PCNT: variants seen among roughly 807,000 people sequenced by gnomAD.
The protein encoded by PCNT is kendrin.
A neutral mutation model predicts 380.4 loss-of-function variants in PCNT; 319 were observed. The ratio of observed to expected loss-of-function variants is 0.84; its 90% CI spans 0.77 to 0.92. PCNT has a LOEUF of 0.92. Ranked by LOEUF, PCNT falls within the 40% of genes least tolerant of loss-of-function variation. The pLI is 0.00. For synonymous variants in PCNT, 1,845 were observed against 1,735.2 expected, an observed-to-expected ratio of 1.06 and a Z score of -1.57; for missense variants, 4,400 against 4,255.3, an observed-to-expected ratio of 1.03 and a Z score of -0.95.
chr21:46,373,523 C>A (rs1162232850), intron 15 of PCNT, among the ~76,000 whole-genome samples: 1 of 149,032 alleles, frequency 6.7e-6, no homozygotes, highest in South Asian at 2.1e-4. Flanking sequence ...CCTCTGCCTC[C>A]CTGGTTCAAG....
chr21:46,324,420 C>T (rs2083285739), intron 1 of PCNT, 138 bp downstream of exon 1: 2 of 792,782 alleles, frequency 2.5e-6, no homozygotes, highest in South Asian at 1.5e-5. Context: ...TTCCCGCCGG[C>T]TCCGCTGGAA....
At chr21:46,426,395 C>A (rs1486114652) in intron 33 of PCNT, among the ~76,000 whole-genome samples, 3 of 152,222 alleles carry the variant, frequency 2.0e-5, no homozygotes, top group Non-Finnish European at 4.4e-5. Flanking sequence ...GCCTTCCCAT[C>A]TCCCACAGCC....
intron 15 of PCNT, among the ~76,000 whole-genome samples, chr21:46,372,906 C>G (rs113445619): frequency 6.6e-6 from 1 of 152,234 alleles, no homozygotes; most frequent in African/African-American, 2.4e-5. Flanking sequence ...TCCAGGGACT[C>G]ATGCTAAAGA....
chr21:46,431,895 G>T lies in PCNT; in HGVS notation c.8431G>T (p.Val2811Leu), dbSNP rs144757781. ...GGACTTGCAAGCGATGCTTGAAAAG[G>T]TGCAGCAGCAAGCCCTGCATTCTCA... ...VVDLQAMLEK[V>L]QQQALHSQQQ... Residue 2811 changes from valine (V) to leucine (L), a missense_variant, in exon 38 of 47, where the codon GTG becomes TTG. Val to Leu is a conservative substitution (Grantham distance 32). Transcript: ENST00000359568. 1,146 of 1,613,988 alleles carry T rather than the reference G, an allele frequency of 7.1e-4. 3 individuals carry two copies. The highest frequency in any genetic ancestry group is 8.7e-4 in the Non-Finnish European group (1,023 of 1,180,048).
chr21:46,324,991 G>A lies in PCNT; in HGVS notation c.54+709G>A, dbSNP rs1601727550. The A allele has an allele frequency of 5.3e-5, 48 of 910,260 alleles. No individual in the cohort carries two copies. In the South Asian group the frequency reaches 2.2e-3, roughly 41 times the overall value. 56.4% of individuals were successfully genotyped at this position (910,260 alleles called of 1,614,324 possible). A position where few individuals can be genotyped will look rare whatever the true frequency, so the allele number is the denominator to read the frequency against. On this transcript the variant is annotated intron_variant, in intron 1 of 46. Transcript: ENST00000359568. Reference sequence around the variant, plus strand: ...TCCTGCCCGTCCGGGCCTGGCGTACGCTGCCGGGAACCCACGCGGCGCTGG... The same window carrying A: ...TCCTGCCCGTCCGGGCCTGGCGTACACTGCCGGGAACCCACGCGGCGCTGG...
rs779669784 is a variant in PCNT at position 46,425,855 on chromosome 21, G to A, written c.7204G>A (p.Glu2402Lys). 14 of 1,613,592 alleles carry A rather than the reference G, an allele frequency of 8.7e-6. No individual in the cohort carries two copies. The highest frequency in any genetic ancestry group is 2.2e-5 in the South Asian group (2 of 91,080). ...GGCTTTACTGCAGATGGTGCGTGAC[G>A]AGAGCCACCAGATCCTGGCGCTGTC... ...VKALLQMVRD[E>K]SHQILALSEG... is the part of the protein sequence containing the mutation. The change falls in exon 33 of 47, where the codon GAG becomes AAG. Residue 2402 changes from glutamate to lysine, a missense_variant. Transcript: ENST00000359568. This position sits in a 1 kb window ranked among gnomAD's most constrained non-coding sequence, Gnocchi z 4.2.
chr21:46,435,805 G>T (rs1177831822), intron 38 of PCNT, 99 bp from the exon 39 acceptor site: 1 of 1,425,578 alleles, frequency 7.0e-7, no homozygotes, highest in Non-Finnish European at 9.8e-7. Flanking sequence ...GCCTCCCAAA[G>T]TGCTAGGATT....
chr21:46,378,285 C>T (rs984275397), intron 15 of PCNT, among the ~76,000 whole-genome samples: 2 of 152,166 alleles, frequency 1.3e-5, no homozygotes, highest in African/African-American at 2.4e-5. Context: ...AGGAATCACC[C>T]TGTGGTGTCT....
At chr21:46,350,503 T>C (rs1473830879) in intron 8 of PCNT, among the ~76,000 whole-genome samples, 2 of 152,204 alleles carry the variant, frequency 1.3e-5, no homozygotes, top group South Asian at 2.1e-4. Context: ...CAGGTCCTCA[T>C]TGGAGGCCTG....
In PCNT at chr21:46,385,976, A is replaced by G. The variant is rs140424584; in HGVS notation, c.3457A>G (p.Ser1153Gly). The change falls in exon 17 of 47, where the codon AGC becomes GGC. Residue 1153 changes from serine (S) to glycine (G), a missense_variant. Coordinates refer to ENST00000359568, the MANE Select transcript of PCNT (RefSeq NM_006031.6). ...MLKADVNLSH[S>G]ERGALQDALR... Reference sequence around the variant, plus strand: ...CAAGGCCGACGTCAACCTGTCCCACAGCGAAAGGTCAGTGTGTCCTCGGCA... The same window carrying G: ...CAAGGCCGACGTCAACCTGTCCCACGGCGAAAGGTCAGTGTGTCCTCGGCA... The G allele has an allele frequency of 1.5e-4, 247 of 1,614,142 alleles. 1 individual carries two copies. In the African/African-American group the frequency reaches 2.7e-3, roughly 18 times the overall value.
Position 46,412,001 on chromosome 21 carries a change from C to A in PCNT, c.5928C>A (p.Ala1976=). The A allele has an allele frequency of 6.2e-7, 1 of 1,606,608 alleles. No homozygotes were observed. Among genetic ancestry groups the A allele is most frequent in the South Asian group, 1.1e-5 (1 of 91,010 alleles). ...CTCGCATGGATGGTGGCGCCAAGGC[C>A]CAGGTCACCGGCGACGTGGAGGCCT... is the stretch of plus-strand genomic sequence containing the variant. ...PQPRMDGGAK[A]QVTGDVEASH... is the part of the protein sequence containing the mutation. The change falls in exon 28 of 47, where the codon GCC becomes GCA. Residue 1976 remains alanine, a synonymous_variant. Coordinates refer to ENST00000359568, the MANE Select transcript of PCNT (RefSeq NM_006031.6).
At chr21:46,382,966 A>T (rs1282473969) in intron 16 of PCNT, among the ~76,000 whole-genome samples, 1 of 132,912 alleles carries the variant, frequency 7.5e-6, no homozygotes, top group Non-Finnish European at 1.5e-5. Flanking sequence ...AAGCGCATTC[A>T]CAGTGCTGTG....
chr21:46,366,951 T>C lies in PCNT; in HGVS notation c.2977T>C (p.Leu993=). 6.2e-7 allele frequency: 1 copy of C among 1,614,228 alleles called. No homozygotes were observed. Among genetic ancestry groups the C allele is most frequent in the Non-Finnish European group, 8.5e-7 (1 of 1,180,034 alleles). ...REEHRQALEL[L]RADFEEQLWK... ...GGAGCACAGGCAGGCCCTAGAGCTC[T>C]TACGAGCAGACTTTGAGGAACAACT... Residue 993 remains leucine, a synonymous_variant, in exon 15 of 47, where the codon TTA becomes CTA. Coordinates refer to ENST00000359568, the MANE Select transcript of PCNT (RefSeq NM_006031.6).
In PCNT at chr21:46,357,037, C is replaced by T; in HGVS notation, c.2000C>T (p.Ala667Val). The change falls in exon 13 of 47, where the codon GCA becomes GTA. Residue 667 changes from alanine to valine, a missense_variant. Ala to Val is a moderately conservative substitution (Grantham distance 64). Coordinates refer to ENST00000359568, the MANE Select transcript of PCNT (RefSeq NM_006031.6). ...DGDLEADTER[A>V]ARVLGLETEH... ...GACTTGGAGGCCGACACAGAGCGGGCAGCCAGAGTCTTGGGTCTGGAAACT... is the reference window on the plus strand; with the variant it reads ...GACTTGGAGGCCGACACAGAGCGGGTAGCCAGAGTCTTGGGTCTGGAAACT... 6.8e-6 allele frequency: 11 copies of T among 1,614,218 alleles called. No homozygotes were observed. The highest frequency in any genetic ancestry group is 8.5e-6 in the Non-Finnish European group (10 of 1,180,038).
chr21:46,372,625 A>G (rs949278605), intron 15 of PCNT, among the ~76,000 whole-genome samples: 12 of 152,240 alleles, frequency 7.9e-5, no homozygotes, highest in Admixed American at 5.2e-4. Flanking sequence ...GGGGTTTTAA[A>G]CAAGGACATG....
rs546991222 is a variant in PCNT, at chr21:46,382,026, GTGT to G, written c.3312+190_3312+192del. Among the ~76,000 whole-genome samples, 433 of 150,948 alleles carry G rather than the reference GTGT, an allele frequency of 2.9e-3. 2 individuals are homozygous for G. Among genetic ancestry groups the G allele is most frequent in the African/African-American group, 9.7e-3 (399 of 41,246 alleles). Reference sequence around the variant, plus strand: ...ATTCAGTGGCGGAAGCGCATTCACGGTGTTGTGCATTCAATGGCGGAAGCGCAT... The same window carrying G: ...ATTCAGTGGCGGAAGCGCATTCACGGTGTGCATTCAATGGCGGAAGCGCAT... On this transcript the variant is annotated intron_variant, in intron 16 of 46. Coordinates refer to ENST00000359568, the MANE Select transcript of PCNT (RefSeq NM_006031.6).
intron 13 of PCNT, among the ~76,000 whole-genome samples, chr21:46,359,506 T>TTTTTTTTTTTTTTTTTA (rs1384504010): frequency 7.9e-6 from 1 of 126,228 alleles, no homozygotes. Flanking sequence ...TTTTTTTTTT[T>TTTTTTTTTTTTTTTTTA]TGAGACAGTG....
rs1315359733 is a variant in PCNT at position 46,411,555 on chromosome 21, G to A, written c.5482G>A (p.Glu1828Lys). ...CCTGCAGCAGCGCCTCCAGGGCGCA[G>A]AGGAGGCTGCGGAGCTACAGCTGGC... is the stretch of plus-strand genomic sequence containing the variant. ...EALQQRLQGA[E>K]EAAELQLAEL... The change falls in exon 28 of 47, where the codon GAG (glutamate) becomes AAG (lysine). Residue 1828 changes from glutamate to lysine, a missense_variant. By Grantham distance (56) the Glu-to-Lys change is moderately conservative. Coordinates refer to ENST00000359568, the MANE Select transcript of PCNT (RefSeq NM_006031.6). 6.2e-7 allele frequency: 1 copy of A among 1,612,378 alleles called. No homozygotes were observed. Among genetic ancestry groups the A allele is most frequent in the Admixed American group, 1.7e-5 (1 of 59,900 alleles).
At chr21:46,354,741 G>T (rs937801670) in intron 11 of PCNT, among the ~76,000 whole-genome samples, 3 of 152,216 alleles carry the variant, frequency 2.0e-5, no homozygotes. Context: ...TCACTCTGGA[G>T]CAGGGTCCCT....
Sources: allele counts gnomAD v4.1 joint callset (sites outside exome capture counted in the v4.1 genomes callset), GRCh38; gene constraint gnomAD v4.1.1; non-coding constraint Gnocchi (gnomAD v3.1); transcripts MANE v1.5; gene names NCBI Gene and HGNC (gene_info 2026-07-23, HGNC 2026-07-21).